PSD3: variants seen among roughly 807,000 people sequenced by gnomAD.
The protein encoded by PSD3 is pleckstrin and Sec7 domain containing 3.
PSD3 carries 49 observed loss-of-function variants against 105.5 expected under a neutral mutation model. The ratio of observed to expected loss-of-function variants is 0.46; its 90% CI spans 0.37 to 0.59. PSD3 has a LOEUF of 0.59. PSD3 is among the 20% of genes least tolerant of loss of function. The pLI is 0.00. For synonymous variants in PSD3, 557 were observed against 457.8 expected, an observed-to-expected ratio of 1.22 and a Z score of -2.77; for missense variants, 1,561 against 1,263.8, an observed-to-expected ratio of 1.24 and a Z score of -3.57.
intron 10 of PSD3, among the ~76,000 whole-genome samples, chr8:18,641,561 T>A (rs1351020016): frequency 6.6e-6 from 1 of 152,160 alleles, no homozygotes; most frequent in Non-Finnish European, 1.5e-5. Context: ...GAAATCCTTG[T>A]TGGGTGATGG....
At position 18,650,515 on chromosome 8, in the gene PSD3, T is replaced by C. The variant is rs114052258; in HGVS notation, c.2216+5127A>G. 7.7e-3 allele frequency among the ~76,000 whole-genome samples: 1,168 copies of C among 152,356 alleles called. 18 individuals carry two copies. The highest frequency in any genetic ancestry group is 0.027 in the African/African-American group (1,118 of 41,580). ...GGTCCTATATGACGTAGCAGAGACC[T>C]TCCACAAGTCAATTTGACTCACTGC... On this transcript the variant is annotated intron_variant, in intron 10 of 15. Coordinates refer to ENST00000327040, the MANE Select transcript of PSD3 (RefSeq NM_015310.4).
intron 12 of PSD3, among the ~76,000 whole-genome samples, chr8:18,578,594 A>G (rs1202054572): frequency 6.6e-6 from 1 of 152,132 alleles, no homozygotes; most frequent in Admixed American, 6.5e-5. Context: ...ACACAAAACC[A>G]ATTGGTAGCT....
At chr8:18,879,231 T>C (rs1817952774) in intron 2 of PSD3, among the ~76,000 whole-genome samples, 1 of 152,128 alleles carries the variant, frequency 6.6e-6, no homozygotes, top group African/African-American at 2.4e-5. Context: ...TCAACAATTG[T>C]GGGCAAGTGC....
chr8:19,078,875 G>A (rs1829548208), intron 1 of PSD3, among the ~76,000 whole-genome samples: 1 of 151,558 alleles, frequency 6.6e-6, no homozygotes, highest in Admixed American at 6.6e-5. Flanking sequence ...AGGGATCAGA[G>A]AAGACTGAAG....
At chr8:18,767,419 T>G (rs918893640) in intron 8 of PSD3, among the ~76,000 whole-genome samples, 1 of 152,094 alleles carries the variant, frequency 6.6e-6, no homozygotes, top group African/African-American at 2.4e-5. Context: ...TCTAGCAAAA[T>G]GTAGTCCAAG....
chr8:18,700,460 A>G (rs1232386389), intron 9 of PSD3, among the ~76,000 whole-genome samples: 1 of 152,202 alleles, frequency 6.6e-6, no homozygotes, highest in Non-Finnish European at 1.5e-5. Context: ...TAGTGTGAAC[A>G]CTCGTGAGAG....
intron 11 of PSD3, among the ~76,000 whole-genome samples, chr8:18,613,698 T>A (rs114154769): frequency 3.3e-5 from 5 of 152,120 alleles, no homozygotes; most frequent in African/African-American, 1.2e-4. Flanking sequence ...CTGTGAAACA[T>A]AGAAAACGGC....
intron 8 of PSD3, among the ~76,000 whole-genome samples, chr8:18,791,308 G>A (rs191693788): frequency 9.9e-5 from 15 of 152,132 alleles, no homozygotes; most frequent in South Asian, 6.3e-4. Context: ...TGGAGGCATC[G>A]TGCTGTCTGA....
chr8:18,665,204 A>C (rs1350315018), intron 9 of PSD3, among the ~76,000 whole-genome samples: 2 of 152,254 alleles, frequency 1.3e-5, no homozygotes, highest in Non-Finnish European at 2.9e-5. Flanking sequence ...AAGTAAACTG[A>C]AAACCTTCTA....
chr8:18,805,244 ATC>A (rs999771092), intron 4 of PSD3, among the ~76,000 whole-genome samples: 1 of 152,220 alleles, frequency 6.6e-6, no homozygotes, highest in African/African-American at 2.4e-5. Flanking sequence ...TTAAAAATAA[ATC>A]TGTTTTACAT....
intron 2 of PSD3, among the ~76,000 whole-genome samples, chr8:18,900,972 C>T (rs757649921): frequency 1.7e-4 from 26 of 152,226 alleles, no homozygotes; most frequent in Admixed American, 7.9e-4. Context: ...TAATTGTATG[C>T]AGTTATGATT....
At chr8:18,639,201 G>A (rs1332774896) in intron 10 of PSD3, among the ~76,000 whole-genome samples, 1 of 152,182 alleles carries the variant, frequency 6.6e-6, no homozygotes, top group Non-Finnish European at 1.5e-5. Context: ...ACCATGCTGT[G>A]GAGGGAGTCG....
intron 1 of PSD3, among the ~76,000 whole-genome samples, chr8:19,064,222 C>T (rs768807575): frequency 6.6e-6 from 1 of 152,092 alleles, no homozygotes; most frequent in East Asian, 1.9e-4. Flanking sequence ...GTTAATTAAG[C>T]TTTAACAGCA....
At chr8:18,593,387 T>C (rs1401461120) in intron 12 of PSD3, among the ~76,000 whole-genome samples, 1 of 152,234 alleles carries the variant, frequency 6.6e-6, no homozygotes, top group African/African-American at 2.4e-5. Context: ...TCATCATCAC[T>C]GGCCATCACA....
At chr8:18,566,613 T>C (rs1206328718) in intron 14 of PSD3, among the ~76,000 whole-genome samples, 1 of 151,796 alleles carries the variant, frequency 6.6e-6, no homozygotes, top group Non-Finnish European at 1.5e-5. Flanking sequence ...ACAAAGCAAA[T>C]GCTGGGTGAT....
chr8:18,807,673 T>C (rs73595770), intron 4 of PSD3, among the ~76,000 whole-genome samples: 6,163 of 152,276 alleles, frequency 0.04, 437 homozygotes, highest in African/African-American at 0.14. Context: ...CTAACATGTA[T>C]GGTAACCCTC....
At chr8:18,922,627 G>A (rs545212030) in intron 2 of PSD3, among the ~76,000 whole-genome samples, 30 of 152,150 alleles carry the variant, frequency 2.0e-4, no homozygotes, top group African/African-American at 4.8e-4. Flanking sequence ...TAGATCCCAC[G>A]GGTTGGGGAC....
intron 1 of PSD3, among the ~76,000 whole-genome samples, chr8:18,969,984 C>T (rs1249235643): frequency 2.0e-5 from 3 of 152,032 alleles, no homozygotes; most frequent in East Asian, 1.9e-4. Flanking sequence ...TTAATAAACA[C>T]TATCTAGTTT....
At chr8:18,816,957 G>T (rs1697489599) in intron 4 of PSD3, among the ~76,000 whole-genome samples, 1 of 152,190 alleles carries the variant, frequency 6.6e-6, no homozygotes, top group Admixed American at 6.5e-5. Flanking sequence ...TACCATGTGA[G>T]TAGAAAATAG....
Sources: allele counts gnomAD v4.1 joint callset (sites outside exome capture counted in the v4.1 genomes callset), GRCh38; gene constraint gnomAD v4.1.1; transcripts MANE v1.5; gene names NCBI Gene and HGNC (gene_info 2026-07-23, HGNC 2026-07-21).